The following PATJ variants were observed in gnomAD, a reference collection of about 807,000 sequenced individuals.
The protein encoded by PATJ is PATJ crumbs cell polarity complex component.
In PATJ, 190 loss-of-function variants were observed where a neutral mutation model predicts 224.9. The ratio of observed to expected loss-of-function variants is 0.84; its 90% CI spans 0.75 to 0.95. PATJ has a LOEUF of 0.95. Among genes scored for constraint, PATJ ranks in the 40% least tolerant of loss-of-function variants. PATJ has a pLI of 0.00. For synonymous variants in PATJ, 769 were observed against 820.3 expected (o/e 0.94, Z 1.07); for missense variants, 2,121 against 2,270.3 (o/e 0.93, Z 1.34).
intron 28 of PATJ, among the ~76,000 whole-genome samples, chr1:61,993,461 T>G (rs1569782202): frequency 6.6e-6 from 1 of 152,102 alleles, no homozygotes; most frequent in Non-Finnish European, 1.5e-5. Context: ...AATTATTACC[T>G]CATTCTCCCT....
intron 26 of PATJ, among the ~76,000 whole-genome samples, chr1:61,923,516 T>C (rs921895399): frequency 2.0e-5 from 3 of 152,168 alleles, no homozygotes; most frequent in Non-Finnish European, 4.4e-5. Context: ...TATTTTCTCC[T>C]TAATATAAAA....
chr1:62,066,710 G>T (rs1262000415), intron 31 of PATJ, among the ~76,000 whole-genome samples: 2 of 152,184 alleles, frequency 1.3e-5, no homozygotes, highest in Non-Finnish European at 2.9e-5. Flanking sequence ...TAAAGAAAGA[G>T]TTTAATTGAC....
chr1:61,954,832 C>A (rs1680216676), intron 27 of PATJ, among the ~76,000 whole-genome samples: 1 of 149,568 alleles, frequency 6.7e-6, no homozygotes, highest in South Asian at 2.1e-4. Context: ...TGGCTCACTG[C>A]AAACTTCTCC....
intron 33 of PATJ, among the ~76,000 whole-genome samples, chr1:62,100,595 C>T (rs1662032714): frequency 6.6e-6 from 1 of 152,234 alleles, no homozygotes; most frequent in Non-Finnish European, 1.5e-5. Flanking sequence ...AGGGTACATT[C>T]ATACCATACA....
rs372565231 is a variant in PATJ, at chr1:61,808,887, C to T, written c.1683+357C>T. Among the ~76,000 whole-genome samples, 19 of 152,264 alleles carry T rather than the reference C, an allele frequency of 1.2e-4. No individual in the cohort carries two copies. The South Asian group carries it at 2.1e-3, about 17-fold the overall frequency. ...AGAAGCCAAAACCCAGGTTTGACTC[C>T]TTTGCCCACATTAGAGGTAGTATGC... On this transcript the variant is annotated intron_variant, in intron 14 of 43. Coordinates refer to ENST00000642238, the MANE Select transcript of PATJ (RefSeq NM_001350145.3).
intron 17 of PATJ, among the ~76,000 whole-genome samples, chr1:61,853,534 T>TC (rs1553179921): frequency 1.3e-5 from 2 of 151,898 alleles, no homozygotes; most frequent in Non-Finnish European, 2.9e-5. Context: ...GTCTCCCTTC[T>TC]CCCCCCAATA....
At chr1:61,798,483 A>G (rs1041067350) in intron 11 of PATJ, among the ~76,000 whole-genome samples, 4 of 152,198 alleles carry the variant, frequency 2.6e-5, no homozygotes, top group African/African-American at 9.7e-5. Context: ...ACAGGTGTTA[A>G]CCACGGTGCC....
intron 18 of PATJ, among the ~76,000 whole-genome samples, chr1:61,859,655 G>A (rs1664248877): frequency 6.6e-6 from 1 of 151,630 alleles, no homozygotes; most frequent in Non-Finnish European, 1.5e-5. Context: ...TTTCACTCTT[G>A]TTGCCCAGGC....
chr1:61,762,692 T>A (rs1202444063), intron 1 of PATJ, among the ~76,000 whole-genome samples, 166 bp from the exon 2 acceptor site: 3 of 152,214 alleles, frequency 2.0e-5, no homozygotes, highest in Non-Finnish European at 4.4e-5. Context: ...TAAATTTTAG[T>A]TACCTTAGTG....
At chr1:62,011,996 C>T (rs1352418292) in intron 28 of PATJ, among the ~76,000 whole-genome samples, 1 of 150,782 alleles carries the variant, frequency 6.6e-6, no homozygotes, top group Non-Finnish European at 1.5e-5. Context: ...TACTTCACTC[C>T]AGTCTGAATG....
intron 31 of PATJ, among the ~76,000 whole-genome samples, chr1:62,078,586 C>T (rs1003501916): frequency 7.9e-5 from 12 of 151,762 alleles, no homozygotes; most frequent in Non-Finnish European, 1.5e-4. Flanking sequence ...ATGCCTGGCC[C>T]CTTAGTTTTT....
intron 14 of PATJ, among the ~76,000 whole-genome samples, chr1:61,821,170 G>C (rs572459822): frequency 1.3e-5 from 2 of 151,550 alleles, no homozygotes; most frequent in Non-Finnish European, 2.9e-5. Context: ...TCAGCCTCCC[G>C]TGCAGCTGGG....
chr1:61,829,197 T>C (rs1229691316), intron 16 of PATJ, among the ~76,000 whole-genome samples: 1 of 152,248 alleles, frequency 6.6e-6, no homozygotes, highest in Non-Finnish European at 1.5e-5. Context: ...GCAAAGGCCA[T>C]ATCTTAAAAT....
chr1:62,022,785 G>C (rs370986365), intron 29 of PATJ, among the ~76,000 whole-genome samples: 3 of 152,334 alleles, frequency 2.0e-5, no homozygotes, highest in Admixed American at 6.5e-5. Flanking sequence ...AGTGCTAGCT[G>C]TCAAGCCCCA....
At chr1:61,861,692 T>C in intron 19 of PATJ, 25 bp downstream of exon 19, 1 of 1,022,912 alleles carries the variant, frequency 9.8e-7, no homozygotes, top group Non-Finnish European at 1.4e-6. Flanking sequence ...TATTTCCCAT[T>C]TGAATGATTT....
At chr1:61,748,739 G>A (rs1222467824) in intron 1 of PATJ, among the ~76,000 whole-genome samples, 1 of 151,854 alleles carries the variant, frequency 6.6e-6, no homozygotes, top group Non-Finnish European at 1.5e-5. Flanking sequence ...TGGTTCACTA[G>A]CCCTGACCCC....
intron 41 of PATJ, among the ~76,000 whole-genome samples, chr1:62,133,005 A>T (rs1002909864): frequency 6.6e-6 from 1 of 152,212 alleles, no homozygotes; most frequent in South Asian, 2.1e-4. Flanking sequence ...AGGATTGAGT[A>T]GATTTTTAAA....
chr1:61,800,644 A>G (rs1215117236), intron 11 of PATJ, among the ~76,000 whole-genome samples: 1 of 152,096 alleles, frequency 6.6e-6, no homozygotes, highest in Non-Finnish European at 1.5e-5. Flanking sequence ...GGTTTGTTAC[A>G]TATATGTACA....
intron 14 of PATJ, among the ~76,000 whole-genome samples, chr1:61,818,506 T>A (rs529362804): frequency 6.6e-6 from 1 of 152,344 alleles, no homozygotes; most frequent in East Asian, 1.9e-4. Flanking sequence ...AGTTGCTAAA[T>A]GCAGCTGGGA....
Sources: gnomAD v4.1 joint callset for allele counts (sites outside exome capture counted in the v4.1 genomes callset) on GRCh38, gnomAD v4.1.1 for gene constraint, MANE v1.5 for transcripts, NCBI Gene and HGNC (gene_info 2026-07-23, HGNC 2026-07-21) for gene names.